Variants in C1RL observed in about 807,000 individuals in gnomAD.
The protein encoded by C1RL is complement C1r subcomponent-like protein.
A neutral mutation model predicts 27.9 loss-of-function variants in C1RL; 27 were observed. The observed-to-expected ratio is 0.97, with a 90% CI of 0.71 to 1.33. The LOEUF (loss-of-function observed/expected upper bound fraction) is 1.33. Ranked by LOEUF, C1RL falls within the 40% of genes most tolerant of loss-of-function variation. The probability of loss-of-function intolerance (pLI) is 0.00; values close to 1 mark genes in which losing one functional copy is unlikely to be tolerated. For synonymous variants in C1RL, 248 were observed against 252.1 expected, an observed-to-expected ratio of 0.98 and a Z score of 0.15; for missense variants, 563 against 623.9, an observed-to-expected ratio of 0.90 and a Z score of 1.04.
At position 7,109,117 on chromosome 12, in the gene C1RL, C is replaced by T; in HGVS notation, c.64G>A (p.Gly22Ser). Residue 22 changes from glycine to serine, a missense_variant, in exon 1 of 6, where the codon GGC (glycine) becomes AGC (serine). By Grantham distance (56) the Gly-to-Ser change is moderately conservative. Coordinates refer to ENST00000266542, the MANE Select transcript of C1RL (RefSeq NM_016546.4). ...WRSPHSKGCP[G>S]AMWWLLLWGV... is the part of the protein sequence containing the mutation. ...TGCCGGGGCCACACTCACATTGCGC[C>T]TGGACAGCCTTTGGAGTGAGGGCTT... is the stretch of plus-strand genomic sequence containing the variant. 6.3e-7 allele frequency: 1 copy of T among 1,592,692 alleles called. No homozygotes were observed. Among genetic ancestry groups the T allele is most frequent in the Non-Finnish European group, 8.6e-7 (1 of 1,168,620 alleles).
chr12:7,103,921 C>G (rs1025798663), intron 2 of C1RL, among the ~76,000 whole-genome samples: 3 of 152,308 alleles, frequency 2.0e-5, no homozygotes, highest in Admixed American at 1.3e-4. Context: ...AAAGTATCAT[C>G]CTGACTGGTT....
In C1RL at chr12:7,096,935, G is replaced by A; in HGVS notation, c.920C>T (p.Ala307Val). 1 of 1,611,254 alleles carries A rather than the reference G, an allele frequency of 6.2e-7. No homozygotes were observed. The highest frequency in any genetic ancestry group is 8.5e-7 in the Non-Finnish European group (1 of 1,178,264). Residue 307 changes from alanine (A) to valine (V), a missense_variant, in exon 6 of 6, where the codon GCC becomes GTC. By Grantham distance (64) the Ala-to-Val change is moderately conservative (BLOSUM62 0). Coordinates refer to ENST00000266542, the MANE Select transcript of C1RL (RefSeq NM_016546.4). ...CCCCAGTTTCAGCATCTCATCTATGGCTGTGTGGCCCAAGAACACATTCAC... is the reference window on the plus strand; with the variant it reads ...CCCCAGTTTCAGCATCTCATCTATGACTGTGTGGCCCAAGAACACATTCAC... ...QSVNVFLGHT[A>V]IDEMLKLGNH...
At position 7,095,571 on chromosome 12, in the gene C1RL, A is replaced by T. The variant is rs1938403117; in HGVS notation, c.*820T>A. 1.3e-5 allele frequency: 13 copies of T among 985,972 alleles called. No individual in the cohort carries two copies. Among genetic ancestry groups the T allele is most frequent in the Non-Finnish European group, 1.6e-5 (13 of 830,318 alleles). 61.1% of individuals were successfully genotyped at this position (985,972 alleles called of 1,614,324 possible). A position where few individuals can be genotyped will look rare whatever the true frequency, so the allele number is the denominator to read the frequency against. On this transcript the variant is annotated 3_prime_UTR_variant, in exon 6 of 6. Coordinates refer to ENST00000266542, the MANE Select transcript of C1RL (RefSeq NM_016546.4). Reference sequence around the variant, plus strand: ...GAGATGGGGCCATTAGGAAAGTGTGAGCTAGAGGATACCATTTTCGCAGAA... The same window carrying T: ...GAGATGGGGCCATTAGGAAAGTGTGTGCTAGAGGATACCATTTTCGCAGAA...
intron 4 of C1RL, 22 bp from the exon 5 acceptor site, chr12:7,099,782 G>A (rs1427169554): frequency 6.2e-7 from 1 of 1,602,182 alleles, no homozygotes; most frequent in Non-Finnish European, 8.5e-7. Flanking sequence ...ATGAGGAGAG[G>A]CAAAGAAATA....
chr12:7,095,325 A>G lies in C1RL; in HGVS notation c.*1066T>C, dbSNP rs1036259735. The G allele has an allele frequency of 3.3e-6, 3 of 921,752 alleles. No individual in the cohort carries two copies. Among genetic ancestry groups the G allele is most frequent in the Middle Eastern group, 5.1e-4 (1 of 1,974 alleles). The allele number at this position is 921,752 out of a possible 1,614,324, so 57.1% of individuals were successfully genotyped here. A position where few individuals can be genotyped will look rare whatever the true frequency, so the allele number is the denominator to read the frequency against. On this transcript the variant is annotated 3_prime_UTR_variant, in exon 6 of 6. Coordinates refer to ENST00000266542, the MANE Select transcript of C1RL (RefSeq NM_016546.4). The stretch of plus-strand genomic sequence containing the variant: ...GAGATGGGGTTTCACCATGTTGGCC[A>G]GGATGGGCTGGATCTCCTGACCTCG...
chr12:7,105,702 A>G (rs1938749081), intron 2 of C1RL, among the ~76,000 whole-genome samples: 1 of 152,258 alleles, frequency 6.6e-6, no homozygotes, highest in Admixed American at 6.5e-5. Context: ...AACAGAAGAA[A>G]CATCTAAAAA....
intron 3 of C1RL, among the ~76,000 whole-genome samples, chr12:7,101,361 C>T (rs1938621856): frequency 1.3e-5 from 2 of 151,340 alleles, no homozygotes; most frequent in South Asian, 4.2e-4. Context: ...GCCTCAAACT[C>T]CCTGGCTCAA....
At chr12:7,099,623 C>T in intron 5 of C1RL, 63 bp downstream of exon 5, 1 of 1,543,984 alleles carries the variant, frequency 6.5e-7, no homozygotes, top group South Asian at 1.2e-5. Flanking sequence ...ACCCCTGTGT[C>T]CTGTAGGTCC....
chr12:7,108,545 G>A, intron 1 of C1RL, 66 bp from the exon 2 acceptor site: 1 of 1,314,152 alleles, frequency 7.6e-7, no homozygotes, highest in Non-Finnish European at 1.0e-6. Flanking sequence ...GGGTGTGGGA[G>A]GAGCGGGGGA....
rs1008403999 is a variant in C1RL, at chr12:7,104,216, C to T, written c.301-2129G>A. ...AAGATAGGGATGAGGGAAGGGCTGG[C>T]ACGGGGATGGCAGACCAGAAGCCTG... On this transcript the variant is annotated intron_variant, in intron 2 of 5. Coordinates refer to ENST00000266542, the MANE Select transcript of C1RL (RefSeq NM_016546.4). The surrounding 1 kb of genome is among the most constrained non-coding windows in gnomAD (Gnocchi z 5.4). 8.5e-5 allele frequency among the ~76,000 whole-genome samples: 13 copies of T among 152,144 alleles called. No individual in the cohort carries two copies. The highest frequency in any genetic ancestry group is 3.1e-4 in the African/African-American group (13 of 41,424).
At chr12:7,106,601 G>A (rs755711119) in intron 2 of C1RL, among the ~76,000 whole-genome samples, 1 of 152,244 alleles carries the variant, frequency 6.6e-6, no homozygotes, top group Non-Finnish European at 1.5e-5. Context: ...AAGGAGGACC[G>A]ATAGACTGAA....
chr12:7,108,485 A>T lies in C1RL; in HGVS notation c.72-6T>A, dbSNP rs763616202. 1 of 1,575,144 alleles carries T rather than the reference A, an allele frequency of 6.3e-7. No individual in the cohort carries two copies. Among genetic ancestry groups the T allele is most frequent in the Non-Finnish European group, 8.6e-7 (1 of 1,156,976 alleles). Reference sequence around the variant, plus strand: ...CCCAGAGAAGCAGCCACCACCTGTGAGTTGGGGGGAGGGCAAGGTGGGGCC... The same window carrying T: ...CCCAGAGAAGCAGCCACCACCTGTGTGTTGGGGGGAGGGCAAGGTGGGGCC... On this transcript the variant is annotated splice_region_variant and splice_polypyrimidine_tract_variant and intron_variant, in intron 1 of 5. Coordinates refer to ENST00000266542, the MANE Select transcript of C1RL (RefSeq NM_016546.4).
chr12:7,108,543 G>T (rs1053511486), intron 1 of C1RL, 64 bp from the exon 2 acceptor site: 1 of 1,365,782 alleles, frequency 7.3e-7, no homozygotes, highest in Non-Finnish European at 1.0e-6. Flanking sequence ...GTGGGTGTGG[G>T]AGGAGCGGGG....
chr12:7,101,178 TCTCC>T (rs1938617410), intron 3 of C1RL, among the ~76,000 whole-genome samples: 1 of 14,020 alleles, frequency 7.1e-5, no homozygotes, highest in African/African-American at 2.4e-4. Context: ...ACTTTCCCTC[TCTCC>T]CTCCCTCCCT....
Position 7,104,990 on chromosome 12 carries a change from G to A in C1RL, c.301-2903C>T, listed in dbSNP as rs1938722729. On this transcript the variant is annotated intron_variant, in intron 2 of 5. Transcript: ENST00000266542. This position sits in a 1 kb window ranked among gnomAD's most constrained non-coding sequence, Gnocchi z 5.4. ...ACTGTACCAAAAACAGAAGGATTAA[G>A]TGAAAGTCTACCTGCCAAACAGTGA... 6.6e-6 allele frequency among the ~76,000 whole-genome samples: 1 copy of A among 152,190 alleles called. No individual in the cohort carries two copies. The highest frequency in any genetic ancestry group is 2.1e-4 in the South Asian group (1 of 4,836).
intron 2 of C1RL, 50 bp from the exon 3 acceptor site, chr12:7,102,137 G>A (rs753672297): frequency 3.7e-5 from 58 of 1,547,302 alleles, no homozygotes; most frequent in South Asian, 2.7e-4. Context: ...GGGTGAATCC[G>A]CGCTGCTGGC....
chr12:7,108,292 C>T lies in C1RL; in HGVS notation c.259G>A (p.Asp87Asn). 6.2e-7 allele frequency: 1 copy of T among 1,614,110 alleles called. No homozygotes were observed. The highest frequency in any genetic ancestry group is 1.1e-5 in the South Asian group (1 of 91,042). Residue 87 changes from aspartate to asparagine, a missense_variant, in exon 2 of 6, where the codon GAC (aspartate) becomes AAC (asparagine). Transcript: ENST00000266542. ...FAVRLVFQDF[D>N]LEPSQDCAGD... ...GCACAGTCCTGGGACGGCTCCAGGT[C>T]GAAGTCCTGGAAGACGAGCCTCACA...
At chr12:7,108,769 G>A (rs956476195) in intron 1 of C1RL, 21 of 557,146 alleles carry the variant, frequency 3.8e-5, no homozygotes, top group African/African-American at 7.6e-5. Flanking sequence ...CAAAGGAGGG[G>A]GGTGCTTTCT....
chr12:7,108,179 C>CCGCCACTT, intron 2 of C1RL, 72 bp downstream of exon 2: 1 of 1,266,694 alleles, frequency 7.9e-7, no homozygotes, highest in Non-Finnish European at 1.1e-6. Context: ...ATTCAGGGCA[C>CCGCCACTT]CGCCACTTCC....
Sources: gnomAD v4.1 joint callset for allele counts (sites outside exome capture counted in the v4.1 genomes callset) on GRCh38, gnomAD v4.1.1 for gene constraint, Gnocchi (gnomAD v3.1) non-coding constraint, MANE v1.5 for transcripts, NCBI Gene and HGNC (gene_info 2026-07-23, HGNC 2026-07-21) for gene names.